CENPP: variants seen among roughly 807,000 people sequenced by gnomAD.
The protein encoded by CENPP is centromere protein P.
CENPP carries 24 observed loss-of-function variants against 35.6 expected under a neutral mutation model. The observed-to-expected ratio is 0.67, with a 90% CI of 0.49 to 0.95. The LOEUF (loss-of-function observed/expected upper bound fraction) is 0.95, where lower values mean the gene tolerates loss of function less well. Ranked by LOEUF, CENPP falls within the 40% of genes least tolerant of loss-of-function variation. The pLI is 0.00. For missense variants in CENPP, 332 were observed against 345.3 expected (o/e 0.96, Z 0.31); for synonymous variants, 120 against 125.5 (o/e 0.96, Z 0.29).
intron 5 of CENPP, among the ~76,000 whole-genome samples, chr9:92,520,671 G>A (rs1440037931): frequency 1.3e-5 from 2 of 152,150 alleles, no homozygotes; most frequent in Non-Finnish European, 2.9e-5. Flanking sequence ...TCATAGCTGT[G>A]TTATTCATGA....
chr9:92,501,088 A>C (rs1407944770), intron 5 of CENPP: 4 of 1,591,168 alleles, frequency 2.5e-6, no homozygotes, highest in Non-Finnish European at 3.4e-6. Context: ...GGGTAGGGAC[A>C]TCAGGATGGT....
intron 2 of CENPP, among the ~76,000 whole-genome samples, chr9:92,336,355 G>T (rs1840928866): frequency 6.6e-6 from 1 of 151,954 alleles, no homozygotes; most frequent in African/African-American, 2.4e-5. Flanking sequence ...TGAGCCCCAG[G>T]TTCACCTCCC....
At chr9:92,417,494 T>C (rs771577084) in intron 5 of CENPP, 2 of 1,613,844 alleles carry the variant, frequency 1.2e-6, no homozygotes, top group South Asian at 1.1e-5. Context: ...ATAAGTTTCA[T>C]ATTGGCAATG....
intron 5 of CENPP, chr9:92,600,609 AAGAC>A: frequency 6.4e-7 from 1 of 1,572,094 alleles, no homozygotes. Flanking sequence ...CACTACCAGA[AAGAC>A]AGCGCAAGTC....
intron 5 of CENPP, among the ~76,000 whole-genome samples, chr9:92,541,821 T>A (rs1849325782): frequency 6.6e-6 from 1 of 151,868 alleles, no homozygotes; most frequent in South Asian, 2.1e-4. Context: ...TGAGACGGAG[T>A]CTTGCTCTGT....
intron 5 of CENPP, among the ~76,000 whole-genome samples, chr9:92,407,252 A>G (rs1433894068): frequency 6.6e-6 from 1 of 152,130 alleles, no homozygotes; most frequent in East Asian, 1.9e-4. Context: ...CACTGATACT[A>G]CATAACCCAA....
intron 4 of CENPP, among the ~76,000 whole-genome samples, chr9:92,346,195 A>T (rs1588046362): frequency 6.6e-6 from 1 of 151,462 alleles, no homozygotes; most frequent in East Asian, 1.9e-4. Flanking sequence ...TTATTTTTGT[A>T]TTTTTTTTTA....
intron 5 of CENPP, chr9:92,517,949 T>G: frequency 6.4e-7 from 1 of 1,560,570 alleles, no homozygotes; most frequent in Middle Eastern, 1.7e-4. Flanking sequence ...GTAAACACAA[T>G]GTGAAGTCAA....
At chr9:92,600,521 G>A in intron 5 of CENPP, 2 of 1,612,850 alleles carry the variant, frequency 1.2e-6, no homozygotes, top group Non-Finnish European at 1.7e-6. Context: ...AAGTGCTGAG[G>A]GCTGGGCCAC....
In CENPP at chr9:92,523,330, C is replaced by T. The variant is rs184384016; in HGVS notation, c.565-87984C>T. Among the ~76,000 whole-genome samples, 313 of 152,258 alleles carry T rather than the reference C, an allele frequency of 2.1e-3. 3 individuals are homozygous for T. The highest frequency in any genetic ancestry group is 4.7e-3 in the Admixed American group (72 of 15,292). ...AGGGCCAGATAGTAAATATTTGAGG[C>T]GTCATAGGCTACACCTTCTCTGTCA... On this transcript the variant is annotated intron_variant, in intron 5 of 7. Coordinates refer to ENST00000375587, the MANE Select transcript of CENPP (RefSeq NM_001012267.3).
intron 5 of CENPP, among the ~76,000 whole-genome samples, chr9:92,511,464 G>C (rs1241190259): frequency 6.6e-6 from 1 of 150,492 alleles, no homozygotes; most frequent in African/African-American, 2.4e-5. Flanking sequence ...AGTCCAATCT[G>C]TATCTTTCAA....
intron 5 of CENPP, chr9:92,470,795 A>G: frequency 7.1e-7 from 1 of 1,408,266 alleles, no homozygotes; most frequent in South Asian, 1.3e-5. Context: ...AGAAAGAAAC[A>G]AACATATTAT....
At chr9:92,533,319 A>T (rs1563991314) in intron 5 of CENPP, among the ~76,000 whole-genome samples, 7 of 103,512 alleles carry the variant, frequency 6.8e-5, no homozygotes, top group African/African-American at 2.7e-4. Flanking sequence ...AAAAAAAAAA[A>T]AAAAAAAAAA....
chr9:92,432,766 T>C (rs1217887868), intron 5 of CENPP, among the ~76,000 whole-genome samples: 2 of 152,204 alleles, frequency 1.3e-5, no homozygotes, highest in African/African-American at 4.8e-5. Context: ...ACTTAGCATT[T>C]AGCAGTTTTA....
intron 5 of CENPP, among the ~76,000 whole-genome samples, chr9:92,520,602 C>T (rs888674614): frequency 2.8e-4 from 43 of 152,260 alleles, no homozygotes; most frequent in African/African-American, 1.0e-3. Flanking sequence ...CAGTTCCCCT[C>T]CTAAGTATAT....
chr9:92,541,624 C>T (rs530239518), intron 5 of CENPP, among the ~76,000 whole-genome samples: 17 of 151,842 alleles, frequency 1.1e-4, no homozygotes, highest in African/African-American at 4.1e-4. Context: ...ATAATGTCCT[C>T]CGGGTTCATC....
intron 5 of CENPP, among the ~76,000 whole-genome samples, chr9:92,516,170 T>G (rs1847706717): frequency 6.6e-6 from 1 of 151,704 alleles, no homozygotes; most frequent in South Asian, 2.1e-4. Context: ...TTCAAGCGAT[T>G]CTCCTGCCTC....
chr9:92,444,862 C>T (rs1334766139), intron 5 of CENPP, among the ~76,000 whole-genome samples: 2 of 152,080 alleles, frequency 1.3e-5, no homozygotes, highest in Admixed American at 1.3e-4. Flanking sequence ...CAGGAGCTGA[C>T]ATGGGCCCCT....
intron 5 of CENPP, chr9:92,457,188 G>A: frequency 6.9e-7 from 1 of 1,457,782 alleles, no homozygotes; most frequent in South Asian, 1.5e-5. Context: ...ATAGATATTT[G>A]CTTGTATATA....
Sources: allele counts gnomAD v4.1 joint callset (sites outside exome capture counted in the v4.1 genomes callset), GRCh38; gene constraint gnomAD v4.1.1; transcripts MANE v1.5; gene names NCBI Gene and HGNC (gene_info 2026-07-23, HGNC 2026-07-21).